Variants in NOL4 observed in about 807,000 individuals in gnomAD.
NOL4 encodes nucleolar protein 4, also known as cancer/testis antigen 125.
NOL4 carries 17 observed loss-of-function variants against 75.9 expected under a neutral mutation model. The observed-to-expected ratio is 0.22, with a 90% CI of 0.15 to 0.34. The LOEUF is 0.34. NOL4 is among the 10% of genes least tolerant of loss of function. The pLI is 1.00. For synonymous variants in NOL4, 292 were observed against 289.9 expected (o/e 1.01, Z -0.07); for missense variants, 614 against 793.5 (o/e 0.77, Z 2.72).
intron 8 of NOL4, among the ~76,000 whole-genome samples, chr18:33,954,007 G>C (rs923633767): frequency 6.6e-6 from 1 of 152,098 alleles, no homozygotes; most frequent in Admixed American, 6.5e-5. Flanking sequence ...AGGTGGTCAT[G>C]TGATCTTTAT....
intron 9 of NOL4, among the ~76,000 whole-genome samples, chr18:33,903,083 T>A (rs2145012829): frequency 6.6e-6 from 1 of 152,276 alleles, no homozygotes; most frequent in South Asian, 2.1e-4. Flanking sequence ...ACTTAAAGGT[T>A]TCAGAATCTT....
chr18:33,937,589 G>A (rs1490047064), intron 9 of NOL4, among the ~76,000 whole-genome samples: 1 of 152,034 alleles, frequency 6.6e-6, no homozygotes, highest in East Asian at 1.9e-4. Flanking sequence ...ATGCACACAG[G>A]AAGAGTGATC....
intron 2 of NOL4, among the ~76,000 whole-genome samples, chr18:34,113,489 A>G (rs1429313580): frequency 6.6e-6 from 1 of 152,076 alleles, no homozygotes; most frequent in African/African-American, 2.4e-5. Flanking sequence ...TTTAAAAATT[A>G]GTTGTGCATG....
At chr18:33,886,753 C>G (rs1440902510) in intron 9 of NOL4, among the ~76,000 whole-genome samples, 12 of 138,662 alleles carry the variant, frequency 8.7e-5, no homozygotes, top group African/African-American at 3.4e-4. Flanking sequence ...ATCTCATGTA[C>G]CTCATATATA....
At chr18:33,968,567 A>G (rs541660426) in intron 6 of NOL4, among the ~76,000 whole-genome samples, 2 of 152,354 alleles carry the variant, frequency 1.3e-5, no homozygotes, top group East Asian at 3.9e-4. Flanking sequence ...GGGAATATAA[A>G]CATTGGGTAC....
intron 5 of NOL4, among the ~76,000 whole-genome samples, chr18:34,092,792 T>A (rs2078588917): frequency 6.6e-6 from 1 of 152,198 alleles, no homozygotes; most frequent in Non-Finnish European, 1.5e-5. Context: ...GACAAAAATC[T>A]ACAAAGGTAG....
At chr18:34,096,124 C>T (rs1290068679) in intron 4 of NOL4, among the ~76,000 whole-genome samples, 1 of 151,660 alleles carries the variant, frequency 6.6e-6, no homozygotes. Context: ...GACACTCTTG[C>T]CAGCATACAT....
chr18:34,104,016 AG>A, intron 4 of NOL4, 30 bp downstream of exon 4: 1 of 1,405,718 alleles, frequency 7.1e-7, no homozygotes, highest in Non-Finnish European at 1.0e-6. Context: ...CCAATTTGTA[AG>A]TAATACAAAT....
intron 6 of NOL4, among the ~76,000 whole-genome samples, chr18:33,964,554 G>GAGA (rs569592405): frequency 1.6e-3 from 248 of 152,252 alleles, no homozygotes; most frequent in African/African-American, 5.6e-3. Flanking sequence ...GAGAAAGAGT[G>GAGA]AGAAGTTGAA....
intron 5 of NOL4, among the ~76,000 whole-genome samples, chr18:34,045,691 TTTCATGGCAGC>T (rs970554760): frequency 3.9e-5 from 6 of 152,118 alleles, no homozygotes; most frequent in African/African-American, 1.4e-4. Context: ...GATAAAAAAT[TTTCATGGCAGC>T]ATAAATCCCA....
chr18:34,077,013 G>T (rs191528645), intron 5 of NOL4, among the ~76,000 whole-genome samples: 1 of 152,226 alleles, frequency 6.6e-6, no homozygotes, highest in Non-Finnish European at 1.5e-5. Flanking sequence ...TCTTGCCTTA[G>T]AAAGAAATGG....
intron 2 of NOL4, among the ~76,000 whole-genome samples, chr18:34,121,821 A>G (rs1319381064): frequency 6.6e-6 from 1 of 152,154 alleles, no homozygotes; most frequent in Non-Finnish European, 1.5e-5. Context: ...CAAATAGAGA[A>G]CAAGAAGGCA....
chr18:33,899,662 G>A (rs188835367), intron 9 of NOL4, among the ~76,000 whole-genome samples: 3 of 152,130 alleles, frequency 2.0e-5, no homozygotes, highest in Non-Finnish European at 2.9e-5. Context: ...GAATGGACTC[G>A]ATTCAGAAGC....
chr18:34,081,438 G>A (rs2078007398), intron 5 of NOL4, among the ~76,000 whole-genome samples: 1 of 151,974 alleles, frequency 6.6e-6, no homozygotes. Flanking sequence ...TATAATGTAT[G>A]TTATTTTAAG....
chr18:33,905,193 C>A (rs1162051153), intron 9 of NOL4, among the ~76,000 whole-genome samples: 1 of 152,130 alleles, frequency 6.6e-6, no homozygotes, highest in Non-Finnish European at 1.5e-5. Flanking sequence ...GTACTAACTT[C>A]TGTTCATGAC....
intron 6 of NOL4, among the ~76,000 whole-genome samples, chr18:33,971,333 G>A (rs2071040845): frequency 1.3e-5 from 2 of 152,178 alleles, no homozygotes; most frequent in Non-Finnish European, 2.9e-5. Flanking sequence ...ATACAGAAGT[G>A]ACAGTGAACA....
intron 1 of NOL4, among the ~76,000 whole-genome samples, chr18:34,163,629 T>C (rs1396870684): frequency 6.6e-6 from 1 of 152,036 alleles, no homozygotes; most frequent in East Asian, 1.9e-4. Context: ...TGCTCATGGG[T>C]AGGAAGAATC....
intron 6 of NOL4, among the ~76,000 whole-genome samples, chr18:33,983,601 C>CACACATATATGCACACATAT (rs568309480): frequency 0.017 from 2,546 of 151,832 alleles, 34 homozygotes; most frequent in East Asian, 0.087. Flanking sequence ...GAGGTGCATA[C>CACACATATATGCACACATAT]ACACATATAT....
rs1014251155 is a variant in NOL4 at position 33,928,543 on chromosome 18, G to A, written c.1542+14522C>T. ...CAGCTTCAGATTCTCCATCCATGAC[G>A]AGGGAAGCCATCTACATGTCTCACA... On this transcript the variant is annotated intron_variant, in intron 9 of 10. Transcript: ENST00000261592. Among the ~76,000 whole-genome samples, 10 of 151,978 alleles carry A rather than the reference G, an allele frequency of 6.6e-5. No individual in the cohort carries two copies. The South Asian group carries it at 1.0e-3, about 16-fold the overall frequency.
Sources: gnomAD v4.1 joint callset for allele counts (sites outside exome capture counted in the v4.1 genomes callset) on GRCh38, gnomAD v4.1.1 for gene constraint, MANE v1.5 for transcripts, NCBI Gene and HGNC (gene_info 2026-07-23, HGNC 2026-07-21) for gene names.